The following MYT1L variants were observed in gnomAD, a reference collection of about 807,000 sequenced individuals.
The protein encoded by MYT1L is myelin transcription factor 1 like, also known as myelin transcription factor 1-like protein.
Under a neutral mutation model 126.7 loss-of-function variants are expected in MYT1L, and 12 were observed. The observed-to-expected ratio is 0.09, with a 90% CI of 0.06 to 0.15. The LOEUF (loss-of-function observed/expected upper bound fraction) is 0.15, where lower values mean the gene tolerates loss of function less well. Ranked by LOEUF, MYT1L falls within the 10% of genes least tolerant of loss-of-function variation. The pLI, the probability that MYT1L is intolerant of heterozygous loss-of-function variation, is 1.00. For missense variants in MYT1L, 979 were observed against 1,585.2 expected (o/e 0.62, Z 6.49); for synonymous variants, 541 against 604.2 (o/e 0.90, Z 1.53).
chr2:2,101,133 G>T (rs2078017781), intron 3 of MYT1L, among the ~76,000 whole-genome samples: 2 of 152,188 alleles, frequency 1.3e-5, no homozygotes, highest in South Asian at 4.1e-4. Flanking sequence ...AAATTTGATT[G>T]ATTTTTATAT....
At chr2:2,000,665 T>C (rs1254328499) in intron 4 of MYT1L, among the ~76,000 whole-genome samples, 3 of 152,308 alleles carry the variant, frequency 2.0e-5, no homozygotes, top group Non-Finnish European at 2.9e-5. Flanking sequence ...ATGAATCCCA[T>C]GGTTTGAGTG....
intron 5 of MYT1L, among the ~76,000 whole-genome samples, chr2:1,984,980 G>A (rs1173977574): frequency 2.0e-5 from 3 of 152,040 alleles, no homozygotes; most frequent in Non-Finnish European, 4.4e-5. Flanking sequence ...CTCCTAACCC[G>A]AGTCTCTAGC....
chr2:2,204,844 T>A (rs1327045075), intron 2 of MYT1L, among the ~76,000 whole-genome samples: 53 of 152,004 alleles, frequency 3.5e-4, no homozygotes, highest in African/African-American at 1.2e-3. Context: ...TCACAATAGC[T>A]AAGACTTGGA....
At chr2:2,215,213 A>T (rs1473181153) in intron 2 of MYT1L, among the ~76,000 whole-genome samples, 1 of 152,212 alleles carries the variant, frequency 6.6e-6, no homozygotes, top group Non-Finnish European at 1.5e-5. Context: ...CTATATTCAT[A>T]CATTACATGT....
At chr2:2,275,014 T>C (rs952005281) in intron 2 of MYT1L, among the ~76,000 whole-genome samples, 2 of 152,050 alleles carry the variant, frequency 1.3e-5, no homozygotes, top group Non-Finnish European at 2.9e-5. Context: ...CAGGGCAGTG[T>C]TGCACCCAGA....
Position 1,798,413 on chromosome 2 carries a change from G to A in MYT1L, c.3276+3283C>T, listed in dbSNP as rs935901566. ...ACCCTCATCACCGGGCTGTAGGCCT[G>A]AGCACTGACCCTACCGTTCTTTCCT... is the stretch of plus-strand genomic sequence containing the variant. On this transcript the variant is annotated intron_variant, in intron 23 of 24. Transcript: ENST00000647738. 3.3e-5 allele frequency among the ~76,000 whole-genome samples: 5 copies of A among 152,346 alleles called. No individual in the cohort carries two copies. The East Asian group carries it at 9.7e-4, about 29-fold the overall frequency.
chr2:2,170,644 ATTTC>A (rs2089907559), intron 3 of MYT1L, among the ~76,000 whole-genome samples: 1 of 152,222 alleles, frequency 6.6e-6, no homozygotes, highest in South Asian at 2.1e-4. Context: ...AAATCTATTT[ATTTC>A]TATGTACTGT....
chr2:2,306,307 G>A (rs1251187206), intron 1 of MYT1L, among the ~76,000 whole-genome samples: 2 of 152,190 alleles, frequency 1.3e-5, no homozygotes, highest in Admixed American at 1.3e-4. Context: ...TCAAGAGGCA[G>A]ATGCACAACT....
chr2:2,205,159 C>T (rs1026491834), intron 2 of MYT1L, among the ~76,000 whole-genome samples: 40 of 149,882 alleles, frequency 2.7e-4, no homozygotes, highest in Non-Finnish European at 4.9e-4. Flanking sequence ...GGAGATATAC[C>T]TAATGCTAAA....
At chr2:1,952,979 C>T (rs1459472686) in intron 8 of MYT1L, among the ~76,000 whole-genome samples, 1 of 119,514 alleles carries the variant, frequency 8.4e-6, no homozygotes, top group Non-Finnish European at 1.8e-5. Context: ...TCCTTCCTTC[C>T]TTTCTCTTTC....
At chr2:1,950,936 G>C (rs2057692505) in intron 8 of MYT1L, among the ~76,000 whole-genome samples, 1 of 152,138 alleles carries the variant, frequency 6.6e-6, no homozygotes, top group African/African-American at 2.4e-5. Flanking sequence ...GGCCTGGGAA[G>C]GTACAGGTAG....
chr2:1,942,752 AC>A (rs1558480945), intron 9 of MYT1L, among the ~76,000 whole-genome samples: 1 of 152,252 alleles, frequency 6.6e-6, no homozygotes, highest in Non-Finnish European at 1.5e-5. Flanking sequence ...TAAATTACTG[AC>A]AACCAAACTG....
At chr2:1,950,348 G>A (rs2057629399) in intron 8 of MYT1L, among the ~76,000 whole-genome samples, 1 of 152,196 alleles carries the variant, frequency 6.6e-6, no homozygotes, top group Non-Finnish European at 1.5e-5. Context: ...ACATAAATAT[G>A]TGCTGAGTGA....
At chr2:2,072,720 C>T (rs753812938) in intron 3 of MYT1L, among the ~76,000 whole-genome samples, 8 of 152,146 alleles carry the variant, frequency 5.3e-5, no homozygotes, top group Non-Finnish European at 1.0e-4. Context: ...TGTTCTCATG[C>T]TAGTGAGTGA....
At chr2:2,186,318 C>T (rs6709689) in intron 2 of MYT1L, among the ~76,000 whole-genome samples, 4 of 148,656 alleles carry the variant, frequency 2.7e-5, no homozygotes, top group South Asian at 4.2e-4. Flanking sequence ...CCCCGAGTTC[C>T]GCGGTCATTA....
chr2:1,792,298 G>A, intron 24 of MYT1L, 23 bp downstream of exon 24: 1 of 1,584,128 alleles, frequency 6.3e-7, no homozygotes, highest in Non-Finnish European at 8.6e-7. Flanking sequence ...CCACATTCCT[G>A]CCTTGCGTGC....
intron 9 of MYT1L, among the ~76,000 whole-genome samples, chr2:1,935,123 G>A (rs531484514): frequency 6.6e-6 from 1 of 152,172 alleles, no homozygotes; most frequent in African/African-American, 2.4e-5. Flanking sequence ...ATTCAGAAAT[G>A]TATGTTTTTA....
At chr2:2,305,601 A>C (rs1216543194) in intron 1 of MYT1L, among the ~76,000 whole-genome samples, 3 of 152,150 alleles carry the variant, frequency 2.0e-5, no homozygotes, top group Admixed American at 6.5e-5. Flanking sequence ...GCTATAAAGA[A>C]CTACCTGAGA....
chr2:2,170,124 C>T (rs376927433), intron 3 of MYT1L, among the ~76,000 whole-genome samples: 4 of 152,304 alleles, frequency 2.6e-5, no homozygotes, highest in South Asian at 4.1e-4. Context: ...AAGGGCTTGC[C>T]TGGGAGTAGC....
Sources: gnomAD v4.1 joint callset for allele counts (sites outside exome capture counted in the v4.1 genomes callset) on GRCh38, gnomAD v4.1.1 for gene constraint, MANE v1.5 for transcripts, NCBI Gene and HGNC (gene_info 2026-07-23, HGNC 2026-07-21) for gene names.